Variants in ILF2 observed in about 807,000 individuals in gnomAD.
ILF2 encodes the protein interleukin enhancer binding factor 2.
In ILF2, 9 loss-of-function variants were observed where a neutral mutation model predicts 55.3. The ratio of observed to expected loss-of-function variants is 0.16; its 90% CI spans 0.10 to 0.28. The LOEUF is 0.28. ILF2 is among the 10% of genes least tolerant of loss of function. The pLI, the probability that ILF2 is intolerant of heterozygous loss-of-function variation, is 1.00. For missense variants in ILF2, 266 were observed against 474.9 expected, an observed-to-expected ratio of 0.56 and a Z score of 4.09; for synonymous variants, 151 against 161.8, an observed-to-expected ratio of 0.93 and a Z score of 0.50.
chr1:153,664,620 C>T (rs902211089), intron 8 of ILF2, 146 bp from the exon 9 acceptor site: 12 of 667,980 alleles, frequency 1.8e-5, no homozygotes, highest in Admixed American at 9.1e-5. Context: ...CGTACAGTGG[C>T]GTGATCTCAG....
rs1669204139 is a variant in ILF2 at position 153,662,797 on chromosome 1, TG to T, written c.922-3del. 1 of 1,613,178 alleles carries T rather than the reference TG, an allele frequency of 6.2e-7. No individual in the cohort carries two copies. Among genetic ancestry groups the T allele is most frequent in the Non-Finnish European group, 8.5e-7 (1 of 1,179,280 alleles). ...CTGAGCTGTATAGCAGACCATGTCC[TG>T]AAGGAAAGCAAAGTGAGAGTAAGCA... is the stretch of plus-strand genomic sequence containing the variant. On this transcript the variant is annotated splice_polypyrimidine_tract_variant and splice_region_variant and intron_variant, in intron 12 of 13. Transcript: ENST00000361891.
chr1:153,663,778 C>T (rs1185586958), intron 10 of ILF2, among the ~76,000 whole-genome samples: 2 of 149,082 alleles, frequency 1.3e-5, no homozygotes, highest in African/African-American at 5.0e-5. Context: ...GACACTATAA[C>T]TCAGTAACTA....
intron 10 of ILF2, 54 bp downstream of exon 10, chr1:153,663,989 C>G: frequency 1.1e-6 from 1 of 875,434 alleles, no homozygotes; most frequent in Non-Finnish European, 1.9e-6. Flanking sequence ...ACTACTACTA[C>G]TACTACTAGT....
Position 153,662,586 on chromosome 1 carries a change from A to G in ILF2, c.1013-30T>C, listed in dbSNP as rs201270548. 5.0e-6 allele frequency: 8 copies of G among 1,599,808 alleles called. No homozygotes were observed. The Admixed American group carries it at 8.3e-5, about 17-fold the overall frequency. Reference sequence around the variant, plus strand: ...GAAAGAGAAAAAGGTGATTTAGACGAGTAGCCCAGCATAAAAGTCATTACT... The same window carrying G: ...GAAAGAGAAAAAGGTGATTTAGACGGGTAGCCCAGCATAAAAGTCATTACT... On this transcript the variant is annotated intron_variant, in intron 13 of 13. Coordinates refer to ENST00000361891, the MANE Select transcript of ILF2 (RefSeq NM_004515.4).
intron 8 of ILF2, among the ~76,000 whole-genome samples, chr1:153,664,784 C>T (rs1473111193): frequency 6.6e-6 from 1 of 152,192 alleles, no homozygotes; most frequent in African/African-American, 2.4e-5. Context: ...TCTCCAACTC[C>T]TGACCTCAGG....
chr1:153,665,619 G>C (rs1190828257), intron 7 of ILF2, 44 bp downstream of exon 7: 1 of 1,461,058 alleles, frequency 6.8e-7, no homozygotes, highest in African/African-American at 1.4e-5. Flanking sequence ...TACAAGACCT[G>C]GTTCCTATGG....
In ILF2 at chr1:153,664,100, G is replaced by A; in HGVS notation, c.687C>T (p.Asp229=). The A allele has an allele frequency of 6.2e-7, 1 of 1,613,376 alleles. No homozygotes were observed. Among genetic ancestry groups the A allele is most frequent in the East Asian group, 2.2e-5 (1 of 44,880 alleles). The change falls in exon 10 of 14, where the codon GAC becomes GAT. Residue 229 remains aspartate (D), a synonymous_variant. Coordinates refer to ENST00000361891, the MANE Select transcript of ILF2 (RefSeq NM_004515.4). The part of the protein sequence containing the change: ...TVKVLIRLLK[D]LRIRFPGFEP... ...CAAAGCCAGGAAAACGAATCCTCAAGTCCTTCAGTAGTCTGATGAGAACTT... is the reference window on the plus strand; with the variant it reads ...CAAAGCCAGGAAAACGAATCCTCAAATCCTTCAGTAGTCTGATGAGAACTT...
chr1:153,665,370 A>G (rs745837063), intron 7 of ILF2, 34 bp from the exon 8 acceptor site: 1 of 1,360,800 alleles, frequency 7.3e-7, no homozygotes, highest in African/African-American at 1.4e-5. Flanking sequence ...ACTATAACTC[A>G]CATTTCCATT....
chr1:153,667,469 A>G (rs765396144), intron 6 of ILF2, 86 bp downstream of exon 6: 4 of 953,010 alleles, frequency 4.2e-6, no homozygotes, highest in Non-Finnish European at 6.9e-6. Context: ...ACGGAGGGAG[A>G]ATTTGTCTCA....
chr1:153,668,312 A>G, intron 4 of ILF2, 141 bp downstream of exon 4: 4 of 1,083,962 alleles, frequency 3.7e-6, no homozygotes, highest in Non-Finnish European at 2.7e-6. Flanking sequence ...TCCACCCACA[A>G]TGAGAAATAA....
At position 153,664,854 on chromosome 1, in the gene ILF2, G is replaced by A. The variant is rs537304058; in HGVS notation, c.577+366C>T. ...ATTACAGGCGTGAGCCACCGCACCC[G>A]ACCAACTCTGCAATTCTTTAAGCCA... On this transcript the variant is annotated intron_variant, in intron 8 of 13. Coordinates refer to ENST00000361891, the MANE Select transcript of ILF2 (RefSeq NM_004515.4). Among the ~76,000 whole-genome samples, 74 of 152,220 alleles carry A rather than the reference G, an allele frequency of 4.9e-4. 2 individuals are homozygous for A. The East Asian group carries it at 5.4e-3, about 11-fold the overall frequency.
Position 153,667,586 on chromosome 1 carries a change from G to C in ILF2, c.363C>G (p.Asp121Glu), listed in dbSNP as rs769929737. ...GTMTTGHNVA[D>E]LVVILKILPT... ...GCAGAATCTTGAGTATCACCACCAG[G>C]TCAGCCACATTGTGTCCTGTAGTCA... The change falls in exon 6 of 14, where the codon GAC (aspartate) becomes GAG (glutamate). Residue 121 changes from aspartate to glutamate, a missense_variant. By Grantham distance (45) the Asp-to-Glu change is conservative (BLOSUM62 2). Coordinates refer to ENST00000361891, the MANE Select transcript of ILF2 (RefSeq NM_004515.4). 1 of 1,613,526 alleles carries C rather than the reference G, an allele frequency of 6.2e-7. No individual in the cohort carries two copies. The highest frequency in any genetic ancestry group is 8.5e-7 in the Non-Finnish European group (1 of 1,179,414).
chr1:153,667,361 C>G, intron 6 of ILF2, 194 bp downstream of exon 6: 1 of 615,638 alleles, frequency 1.6e-6, no homozygotes, highest in Non-Finnish European at 2.9e-6. Context: ...ATCTGTAGTC[C>G]CAGCTACTCG....
intron 3 of ILF2, 75 bp downstream of exon 3, chr1:153,669,761 T>G (rs1286418708): frequency 4.8e-6 from 6 of 1,255,650 alleles, no homozygotes; most frequent in Non-Finnish European, 7.0e-6. Flanking sequence ...ACCATCTAAC[T>G]TCATTAACTG....
In ILF2 at chr1:153,668,643, G is replaced by T. The variant is rs1420335867; in HGVS notation, c.109-86C>A. 15 of 1,441,126 alleles carry T rather than the reference G, an allele frequency of 1.0e-5. No homozygotes were observed. The East Asian group carries it at 3.2e-4, about 31-fold the overall frequency. The allele number at this position is 1,441,126 out of a possible 1,614,324, so 89.3% of individuals were successfully genotyped here. On this transcript the variant is annotated intron_variant, in intron 3 of 13. Transcript: ENST00000361891. Reference sequence around the variant, plus strand: ...TTTTTCTATTACTACGACAGAAAAAGGTTAAAAACAGAAAATTCTACACTT... The same window carrying T: ...TTTTTCTATTACTACGACAGAAAAATGTTAAAAACAGAAAATTCTACACTT...
chr1:153,664,910 G>A (rs1669270658), intron 8 of ILF2, among the ~76,000 whole-genome samples: 1 of 152,158 alleles, frequency 6.6e-6, no homozygotes, highest in Admixed American at 6.6e-5. Flanking sequence ...CAAATCACTT[G>A]TCTAAAAATC....
At position 153,663,201 on chromosome 1, in the gene ILF2, A is replaced by G; in HGVS notation, c.806+14T>C. On this transcript the variant is annotated intron_variant, in intron 11 of 13. Coordinates refer to ENST00000361891, the MANE Select transcript of ILF2 (RefSeq NM_004515.4). ...ATAGTTTACAACCAACCCTAAACCC[A>G]AAGCATGCTGTACCTGTATGCAACG... The G allele has an allele frequency of 6.2e-7, 1 of 1,614,116 alleles. No homozygotes were observed. Among genetic ancestry groups the G allele is most frequent in the Non-Finnish European group, 8.5e-7 (1 of 1,179,944 alleles).
rs770680971 is a variant in ILF2, at chr1:153,670,212, A to C, written c.24T>G (p.Gly8=). Residue 8 remains glycine (G), a synonymous_variant, in exon 2 of 14, where the codon GGT becomes GGG. Coordinates refer to ENST00000361891, the MANE Select transcript of ILF2 (RefSeq NM_004515.4). MRGDRGR[G]RGGRFGSRGG... ...CTCTGGAACCAAAGCGCCCACCACGACCACGGCCTCTGTCACCCCTAGAAA... is the reference window on the plus strand; with the variant it reads ...CTCTGGAACCAAAGCGCCCACCACGCCCACGGCCTCTGTCACCCCTAGAAA... The C allele has an allele frequency of 1.9e-6, 3 of 1,614,016 alleles. No homozygotes were observed. The highest frequency in any genetic ancestry group is 2.5e-6 in the Non-Finnish European group (3 of 1,179,986).
chr1:153,664,465 T>C lies in ILF2; in HGVS notation c.587A>G (p.Lys196Arg), dbSNP rs777831342. 6.2e-6 allele frequency: 10 copies of C among 1,613,138 alleles called. No homozygotes were observed. The highest frequency in any genetic ancestry group is 8.5e-6 in the Non-Finnish European group (10 of 1,179,104). ...KLDPELHLDI[K>R]VLQSALAAIR... ...GGCTGCTAAGGCACTCTGCAATACT[T>C]TGATATCCACTAAAAAGACAAGCAT... Residue 196 changes from lysine to arginine, a missense_variant, in exon 9 of 14, where the codon AAA becomes AGA. Coordinates refer to ENST00000361891, the MANE Select transcript of ILF2 (RefSeq NM_004515.4).
Sources: allele counts gnomAD v4.1 joint callset (sites outside exome capture counted in the v4.1 genomes callset), GRCh38; gene constraint gnomAD v4.1.1; transcripts MANE v1.5; gene names NCBI Gene and HGNC (gene_info 2026-07-23, HGNC 2026-07-21).